The following HDAC8 variants were observed in gnomAD, a reference collection of about 807,000 sequenced individuals.
HDAC8 encodes the protein histone deacetylase-like 1.
In HDAC8, 1 loss-of-function variant was observed where a neutral mutation model predicts 32.2. The ratio of observed to expected loss-of-function variants is 0.03; its 90% CI spans 0.01 to 0.15. The LOEUF is 0.15. Ranked by LOEUF, HDAC8 falls within the 10% of genes least tolerant of loss-of-function variation. HDAC8 has a pLI of 1.00. For missense variants in HDAC8, 117 were observed against 300.0 expected (o/e 0.39, Z 4.51); for synonymous variants, 108 against 113.9 (o/e 0.95, Z 0.33).
intron 4 of HDAC8, among the ~76,000 whole-genome samples, 183 bp from the exon 5 acceptor site, chrX:72,495,451 A>G (rs1041779618): frequency 8.9e-6 from 1 of 112,234 alleles, no homozygotes; most frequent in African/African-American, 3.2e-5. Context: ...GAAGTGTTTC[A>G]GTAAAGTAAA....
intron 9 of HDAC8, among the ~76,000 whole-genome samples, chrX:72,394,680 C>T (rs2045712391): frequency 8.9e-6 from 1 of 111,940 alleles, no homozygotes; most frequent in African/African-American, 3.2e-5. Context: ...AGGAATAGTA[C>T]TGCTCTGAGA....
At chrX:72,454,591 T>C (rs1555988986) in intron 9 of HDAC8, among the ~76,000 whole-genome samples, 1 of 112,780 alleles carries the variant, frequency 8.9e-6, no homozygotes, top group Non-Finnish European at 1.9e-5. Context: ...AAATAATTCG[T>C]CATTTAAATT....
At position 72,388,045 on chromosome X, in the gene HDAC8, G is replaced by A. The variant is rs1006060159; in HGVS notation, c.1006-36207C>T. Reference sequence around the variant, plus strand: ...TCATCCAGCAGGCAAGTAGGAGGAAGGATATTCCTAGTAGAAGAAGTACCT... The same window carrying A: ...TCATCCAGCAGGCAAGTAGGAGGAAAGATATTCCTAGTAGAAGAAGTACCT... On this transcript the variant is annotated intron_variant, in intron 9 of 10. Coordinates refer to ENST00000373573, the MANE Select transcript of HDAC8 (RefSeq NM_018486.3). Among the ~76,000 whole-genome samples, 8 of 110,343 alleles carry A rather than the reference G, an allele frequency of 7.3e-5. No individual in the cohort carries two copies. The Admixed American group carries it at 7.8e-4, about 11-fold the overall frequency.
At position 72,456,671 on chromosome X, in the gene HDAC8, C is replaced by T. The variant is rs782571194; in HGVS notation, c.1005+5333G>A. Among the ~76,000 whole-genome samples the T allele has an allele frequency of 2.7e-5, 3 of 110,548 alleles. No individual in the cohort carries two copies. In the South Asian group the frequency reaches 1.2e-3, roughly 43 times the overall value. ...AAAATTAGCCGGGTGTGGTGGTGCG[C>T]GCCTATAGTCTCAGCTACTGGGGAG... On this transcript the variant is annotated intron_variant, in intron 9 of 10. Transcript: ENST00000373573.
chrX:72,568,061 A>C (rs1172227929), intron 3 of HDAC8, 31 bp from the exon 4 acceptor site: 1 of 1,177,416 alleles, frequency 8.5e-7, no homozygotes, highest in African/African-American at 1.8e-5. Flanking sequence ...AGCTGGTTAA[A>C]AGGTGAACTG....
chrX:72,406,446 G>A (rs2046040488), intron 9 of HDAC8, among the ~76,000 whole-genome samples: 1 of 110,952 alleles, frequency 9.0e-6, no homozygotes, highest in Admixed American at 9.6e-5. Flanking sequence ...GCCCAGGCTG[G>A]TCTCAAACTC....
At chrX:72,423,624 A>T (rs1178965851) in intron 9 of HDAC8, among the ~76,000 whole-genome samples, 1 of 112,601 alleles carries the variant, frequency 8.9e-6, no homozygotes, top group Non-Finnish European at 1.9e-5. Context: ...TCAGCTATGT[A>T]CTGTATTATG....
At chrX:72,345,136 C>A (rs1269225617) in intron 10 of HDAC8, among the ~76,000 whole-genome samples, 3 of 111,452 alleles carry the variant, frequency 2.7e-5, no homozygotes, top group African/African-American at 6.5e-5. Context: ...CCAATGGCAC[C>A]AACATGAGGG....
intron 4 of HDAC8, among the ~76,000 whole-genome samples, chrX:72,527,950 T>A (rs1220081284): frequency 1.8e-5 from 2 of 109,217 alleles, no homozygotes; most frequent in East Asian, 5.8e-4. Context: ...TAATTTTTGT[T>A]TTTTAAGTAG....
chrX:72,480,906 G>A (rs979857922), intron 7 of HDAC8, among the ~76,000 whole-genome samples: 1 of 110,144 alleles, frequency 9.1e-6, no homozygotes. Context: ...CTTGTCAGGG[G>A]GTGGGGAGCC....
chrX:72,488,814 C>A, intron 7 of HDAC8, 119 bp downstream of exon 7: 1 of 405,507 alleles, frequency 2.5e-6, no homozygotes, highest in South Asian at 6.5e-5. Context: ...TATACAAAAG[C>A]TTTATAGGTA....
chrX:72,407,249 A>G (rs2046066502), intron 9 of HDAC8, among the ~76,000 whole-genome samples: 1 of 112,429 alleles, frequency 8.9e-6, no homozygotes, highest in Non-Finnish European at 1.9e-5. Context: ...GGGGTCCTAG[A>G]GAAACTCCAG....
intron 2 of HDAC8, among the ~76,000 whole-genome samples, chrX:72,570,818 G>A (rs968534400): frequency 1.8e-5 from 2 of 111,928 alleles, no homozygotes; most frequent in Non-Finnish European, 3.8e-5. Context: ...CTCTTATAAC[G>A]ACATCAAATA....
chrX:72,449,285 T>C (rs2047508252), intron 9 of HDAC8, among the ~76,000 whole-genome samples: 2 of 111,207 alleles, frequency 1.8e-5, no homozygotes. Context: ...TGCAGGGACA[T>C]GGATGAAGCT....
chrX:72,388,104 C>G (rs2045500474), intron 9 of HDAC8, among the ~76,000 whole-genome samples: 1 of 109,852 alleles, frequency 9.1e-6, no homozygotes, highest in Non-Finnish European at 1.9e-5. Flanking sequence ...GAGTTTAGGG[C>G]AGGAGTAGGG....
rs187801788 is a variant in HDAC8 at position 72,364,278 on chromosome X, T to C, written c.1006-12440A>G. ...TCCTTCCCTGGATCCTCTTCTTTCA[T>C]CTGTCTCTGAAATGTAGGTGCCCTC... is the stretch of plus-strand genomic sequence containing the variant. On this transcript the variant is annotated intron_variant, in intron 9 of 10. Coordinates refer to ENST00000373573, the MANE Select transcript of HDAC8 (RefSeq NM_018486.3). Among the ~76,000 whole-genome samples the C allele has an allele frequency of 4.5e-5, 5 of 111,409 alleles. No individual in the cohort carries two copies. In the East Asian group the frequency reaches 1.4e-3, roughly 31 times the overall value.
chrX:72,504,374 G>A (rs1355479653), intron 4 of HDAC8, among the ~76,000 whole-genome samples: 1 of 111,169 alleles, frequency 9.0e-6, no homozygotes, highest in African/African-American at 3.3e-5. Flanking sequence ...ATCTGTGTTG[G>A]GTCTCTATGG....
chrX:72,524,397 T>A (rs1332285316), intron 4 of HDAC8, among the ~76,000 whole-genome samples: 2 of 111,731 alleles, frequency 1.8e-5, no homozygotes, highest in Non-Finnish European at 1.9e-5. Context: ...CATTCTTCAC[T>A]CTTATACCCA....
At chrX:72,353,190 ATGT>A (rs1442217629) in intron 9 of HDAC8, among the ~76,000 whole-genome samples, 2 of 112,208 alleles carry the variant, frequency 1.8e-5, no homozygotes, top group East Asian at 5.6e-4. Flanking sequence ...ACCGTGGGAG[ATGT>A]TGTGGAACAA....
Sources: gnomAD v4.1 joint callset for allele counts (sites outside exome capture counted in the v4.1 genomes callset) on GRCh38, gnomAD v4.1.1 for gene constraint, MANE v1.5 for transcripts, NCBI Gene and HGNC (gene_info 2026-07-23, HGNC 2026-07-21) for gene names.